DMPK: variants seen among roughly 807,000 people sequenced by gnomAD.
The protein encoded by DMPK is myotonin-protein kinase.
DMPK carries 32 observed loss-of-function variants against 70.3 expected under a neutral mutation model. The ratio of observed to expected loss-of-function variants is 0.46; its 90% CI spans 0.34 to 0.61. The LOEUF (loss-of-function observed/expected upper bound fraction) is 0.61, where lower values mean the gene tolerates loss of function less well. Ranked by LOEUF, DMPK falls within the 20% of genes least tolerant of loss-of-function variation. The pLI is 0.01. For missense variants in DMPK, 899 were observed against 886.0 expected (o/e 1.01, Z -0.19); for synonymous variants, 469 against 390.9 (o/e 1.20, Z -2.36).
rs757806074 is a variant in DMPK, at chr19:45,771,404, G to A, written c.1601-8C>T. On this transcript the variant is annotated splice_region_variant and splice_polypyrimidine_tract_variant and intron_variant, in intron 12 of 14. Coordinates refer to ENST00000291270, the MANE Select transcript of DMPK (RefSeq NM_004409.5). ...TGGGGACCCCCGTGACAGCTGGAAG[G>A]AGAAGAAAGAGGCATAGGGCGCGTG... 1.7e-5 allele frequency: 28 copies of A among 1,608,688 alleles called. No homozygotes were observed. In the South Asian group the frequency reaches 1.8e-4, roughly 10 times the overall value.
At chr19:45,770,946 G>A (rs1191934931) in intron 14 of DMPK, 25 bp downstream of exon 14, 14 of 1,403,246 alleles carry the variant, frequency 1.0e-5, no homozygotes, top group Admixed American at 3.2e-5. Context: ...CGACGGCGGA[G>A]GGGGGCGTGG....
chr19:45,772,504 ACCT>A, intron 10 of DMPK, 134 bp downstream of exon 10: 2 of 558,800 alleles, frequency 3.6e-6, no homozygotes, highest in South Asian at 4.6e-5. Context: ...GTCTGAAGTA[ACCT>A]CGTCTCTCCG....
At position 45,777,405 on chromosome 19, in the gene DMPK, C is replaced by T. The variant is rs558815378; in HGVS notation, c.1068G>A (p.Pro356=). The T allele has an allele frequency of 1.1e-5, 18 of 1,612,408 alleles. No homozygotes were observed. The highest frequency in any genetic ancestry group is 2.2e-5 in the East Asian group (1 of 44,864). ...ATGTGTCGGTGGCACCTTCGAAATC[C>T]GGTGTAAAGGGGGGCACGCTGTCCC... ...GLRDSVPPFT[P]DFEGATDTCN... The change falls in exon 8 of 15, where the codon CCG becomes CCA. Residue 356 remains proline (P), a synonymous_variant. Transcript: ENST00000291270. The surrounding 1 kb of genome is among the most constrained non-coding windows in gnomAD (Gnocchi z 6.7).
chr19:45,777,608 A>C lies in DMPK; in HGVS notation c.883-18T>G. ...AGGTGCTCCTGCTCAGAGGGAGAGG[A>C]GGCGATAGCCTGGGAGCGCCTACCG... On this transcript the variant is annotated intron_variant, in intron 7 of 14. Transcript: ENST00000291270. The surrounding 1 kb of genome is among the most constrained non-coding windows in gnomAD (Gnocchi z 6.7). 1.2e-6 allele frequency: 2 copies of C among 1,612,890 alleles called. No homozygotes were observed. Among genetic ancestry groups the C allele is most frequent in the African/African-American group, 1.3e-5 (1 of 75,006 alleles).
In DMPK at chr19:45,771,025, G is replaced by T. The variant is rs901999334; in HGVS notation, c.1683C>A (p.Cys561Ter). The part of the protein sequence containing the change: ...DGPPAVAVGQ[C>*]PLVGPGPMHR... ...GCATGGGGCCTGGCCCCACCAGCGGGCACTGGCCCACAGCCACGGCCGGGG... is the reference window on the plus strand; with the variant it reads ...GCATGGGGCCTGGCCCCACCAGCGGTCACTGGCCCACAGCCACGGCCGGGG... Residue 561 changes from cysteine to a stop codon, truncating the protein, a stop_gained, in exon 14 of 15, where the codon TGC becomes TGA. Coordinates refer to ENST00000291270, the MANE Select transcript of DMPK (RefSeq NM_004409.5). LOFTEE classifies it high-confidence loss of function. The T allele has an allele frequency of 2.0e-6, 3 of 1,489,900 alleles. No homozygotes were observed. Among genetic ancestry groups the T allele is most frequent in the South Asian group, 1.3e-5 (1 of 75,660 alleles). 92.3% of individuals were successfully genotyped at this position (1,489,900 alleles called of 1,614,324 possible).
rs1309028714 is a variant in DMPK at position 45,770,125 on chromosome 19, T to C, written c.*363A>G. Reference sequence around the variant, plus strand: ...ATGGAACACGGACGGCCCGGCTTGCTGCCTTCCCAGGCCTGCAGTTTGCCC... The same window carrying C: ...ATGGAACACGGACGGCCCGGCTTGCCGCCTTCCCAGGCCTGCAGTTTGCCC... On this transcript the variant is annotated 3_prime_UTR_variant, in exon 15 of 15. Coordinates refer to ENST00000291270, the MANE Select transcript of DMPK (RefSeq NM_004409.5). 1 of 647,852 alleles carries C rather than the reference T, an allele frequency of 1.5e-6. No individual in the cohort carries two copies. The highest frequency in any genetic ancestry group is 2.4e-5 in the Admixed American group (1 of 42,120). 40.1% of individuals were successfully genotyped at this position (647,852 alleles called of 1,614,324 possible). A position where few individuals can be genotyped will look rare whatever the true frequency, so the allele number is the denominator to read the frequency against.
chr19:45,780,715 T>A, intron 1 of DMPK: 2 of 696,262 alleles, frequency 2.9e-6, no homozygotes, highest in South Asian at 1.2e-4. Flanking sequence ...GACAGTGGGT[T>A]CTGGAGGAAA....
rs558534447 is a variant in DMPK at position 45,772,577 on chromosome 19, G to C, written c.1344+64C>G. 6.3e-6 allele frequency: 7 copies of C among 1,102,450 alleles called. No homozygotes were observed. The South Asian group carries it at 7.8e-5, about 12-fold the overall frequency. The allele number at this position is 1,102,450 out of a possible 1,614,324, so 68.3% of individuals were successfully genotyped here. ...GAGGGCTCTACAGTGCACGCCACCC[G>C]GGAAGCCCTCACCTTTTCTCTCCCA... On this transcript the variant is annotated intron_variant, in intron 10 of 14. Transcript: ENST00000291270.
At position 45,777,259 on chromosome 19, in the gene DMPK, C is replaced by T. The variant is rs772749279; in HGVS notation, c.1146+68G>A. 5.6e-4 allele frequency: 838 copies of T among 1,483,324 alleles called. No individual in the cohort carries two copies. Among genetic ancestry groups the T allele is most frequent in the Non-Finnish European group, 7.0e-4 (782 of 1,118,560 alleles). The allele number at this position is 1,483,324 out of a possible 1,614,324, so 91.9% of individuals were successfully genotyped here. A position where few individuals can be genotyped will look rare whatever the true frequency, so the allele number is the denominator to read the frequency against. ...AGGACCCCAGAAGGTAGGCACTGTC[C>T]TTACTCCAACTTTATGGAGGGAGCA... On this transcript the variant is annotated intron_variant, in intron 8 of 14. Coordinates refer to ENST00000291270, the MANE Select transcript of DMPK (RefSeq NM_004409.5). The surrounding 1 kb of genome is among the most constrained non-coding windows in gnomAD (Gnocchi z 6.7).
chr19:45,770,811 C>G, intron 14 of DMPK, 160 bp downstream of exon 14: 1 of 972,494 alleles, frequency 1.0e-6, no homozygotes, highest in Non-Finnish European at 1.5e-6. Context: ...CGTCCGAACT[C>G]GTCATTGGCT....
In DMPK at chr19:45,778,634, A is replaced by C. The variant is rs772637316; in HGVS notation, c.440T>G (p.Val147Gly). 1 of 1,613,382 alleles carries C rather than the reference A, an allele frequency of 6.2e-7. No homozygotes were observed. The highest frequency in any genetic ancestry group is 8.5e-7 in the Non-Finnish European group (1 of 1,179,888). Residue 147 changes from valine (V) to glycine (G), a missense_variant, in exon 5 of 15, where the codon GTC (valine) becomes GGC (glycine). Physicochemically the swap from Val to Gly is moderately radical, Grantham distance 109. Around this residue, in one of 3 missense-constraint regions of DMPK, gnomAD observed 195 missense variants for 259.7 expected, o/e 0.75. Transcript: ENST00000291270. ...GTCCCCGCCCACGTAATACTCCATG[A>C]CCAGGTACTGAGAAGGGGTTCGTCA... ...AFQDENYLYLVMEYYVGGDLL... is the reference protein window; with the variant it reads ...AFQDENYLYLGMEYYVGGDLL...
At position 45,778,519 on chromosome 19, in the gene DMPK, C is replaced by T. The variant is rs747037860; in HGVS notation, c.555G>A (p.Ser185=). Residue 185 remains serine (S), a synonymous_variant, in exon 5 of 15, where the codon TCG becomes TCA. Coordinates refer to ENST00000291270, the MANE Select transcript of DMPK (RefSeq NM_004409.5). ...YLAEIVMAID[S]VHRLGYVHRD... is the part of the protein sequence containing the mutation. ...TGTGCACGTAGCCAAGCCGGTGCAC[C>T]GAGTCTATGGCCATGACAATCTCCG... The T allele has an allele frequency of 7.4e-6, 12 of 1,613,744 alleles. No individual in the cohort carries two copies. The East Asian group carries it at 1.3e-4, about 18-fold the overall frequency.
intron 1 of DMPK, chr19:45,780,322 C>T (rs762094656): frequency 6.4e-7 from 1 of 1,558,050 alleles, no homozygotes; most frequent in South Asian, 1.1e-5. Flanking sequence ...GTATCCAGTA[C>T]CTCTAGATTC....
chr19:45,769,917 TG>T lies in DMPK; in HGVS notation c.*570del, dbSNP rs1456159615. 1 of 284,570 alleles carries T rather than the reference TG, an allele frequency of 3.5e-6. No individual in the cohort carries two copies. The highest frequency in any genetic ancestry group is 9.1e-5 in the East Asian group (1 of 11,040). The allele number at this position is 284,570 out of a possible 1,614,324, so 17.6% of individuals were successfully genotyped here. ...AACCGCCGAAGCGGGCGGAGCCGGCTGGGGCTCCGAGAGCAGCGCAAGTGAG... is the reference window on the plus strand; with the variant it reads ...AACCGCCGAAGCGGGCGGAGCCGGCTGGGCTCCGAGAGCAGCGCAAGTGAG... On this transcript the variant is annotated 3_prime_UTR_variant, in exon 15 of 15. Coordinates refer to ENST00000291270, the MANE Select transcript of DMPK (RefSeq NM_004409.5).
Position 45,771,336 on chromosome 19 carries a change from G to A in DMPK, c.1647+14C>T, listed in dbSNP as rs772684221. 6.3e-7 allele frequency: 1 copy of A among 1,587,086 alleles called. No homozygotes were observed. The highest frequency in any genetic ancestry group is 8.5e-7 in the Non-Finnish European group (1 of 1,170,638). ...GGCAGCAGGTCTGAGGCAGGGGAAA[G>A]AGAGGGGTCTTACATGGGAAGGTGG... On this transcript the variant is annotated intron_variant, in intron 13 of 14. Coordinates refer to ENST00000291270, the MANE Select transcript of DMPK (RefSeq NM_004409.5).
chr19:45,770,493 G>A lies in DMPK; in HGVS notation c.1885C>T (p.Pro629Ser). ...VWRRPGAARA[P>S] The stretch of plus-strand genomic sequence containing the variant: ...GTCGAAGACAGTTCTAGGGTTCAGG[G>A]AGCGCGGGCGGCTCCTGGGCGGCGC... Residue 629 changes from proline to serine, a missense_variant, in exon 15 of 15, where the codon CCC (proline) becomes TCC (serine). Physicochemically the swap from Pro to Ser is moderately conservative, Grantham distance 74. Coordinates refer to ENST00000291270, the MANE Select transcript of DMPK (RefSeq NM_004409.5). 1 of 1,550,346 alleles carries A rather than the reference G, an allele frequency of 6.5e-7. No individual in the cohort carries two copies. The highest frequency in any genetic ancestry group is 8.7e-7 in the Non-Finnish European group (1 of 1,146,794).
At chr19:45,774,886 A>G (rs1382759915) in intron 9 of DMPK, 63 bp downstream of exon 9, 4 of 1,297,894 alleles carry the variant, frequency 3.1e-6, no homozygotes, top group African/African-American at 2.9e-5. Context: ...GCTGCCAAGG[A>G]GCAGGACCCA....
At chr19:45,775,534 T>TTA (rs1969733453) in intron 8 of DMPK, among the ~76,000 whole-genome samples, 2 of 108,962 alleles carry the variant, frequency 1.8e-5, no homozygotes, top group African/African-American at 6.3e-5. Context: ...TTTTTTTTTT[T>TTA]AGATGGAGTC....
At chr19:45,776,292 C>T (rs1412965444) in intron 8 of DMPK, among the ~76,000 whole-genome samples, 2 of 104,740 alleles carry the variant, frequency 1.9e-5, no homozygotes, top group Non-Finnish European at 4.1e-5. Context: ...TACAGGCGCC[C>T]GCCACCACGC....
Sources: allele counts gnomAD v4.1 joint callset (sites outside exome capture counted in the v4.1 genomes callset), GRCh38; gene constraint gnomAD v4.1.1; regional missense constraint gnomAD v4.1.1; non-coding constraint Gnocchi (gnomAD v3.1); transcripts MANE v1.5; gene names NCBI Gene and HGNC (gene_info 2026-07-23, HGNC 2026-07-21).